The following FAM135B variants were observed in gnomAD, a reference collection of about 807,000 sequenced individuals.
FAM135B encodes protein FAM135B.
Under a neutral mutation model 127.7 loss-of-function variants are expected in FAM135B, and 43 were observed. That is an observed-to-expected ratio of 0.34 (90% CI 0.26 to 0.43). FAM135B has a LOEUF of 0.43. FAM135B is among the 20% of genes least tolerant of loss of function. The probability of loss-of-function intolerance (pLI) is 1.00; values close to 1 mark genes in which losing one functional copy is unlikely to be tolerated. For synonymous variants in FAM135B, 670 were observed against 665.1 expected (o/e 1.01, Z -0.11); for missense variants, 1,558 against 1,725.6 (o/e 0.90, Z 1.72).
chr8:138,242,307 C>G lies in FAM135B; in HGVS notation c.669+635G>C, dbSNP rs1400461881. Among the ~76,000 whole-genome samples the G allele has an allele frequency of 6.6e-6, 1 of 150,838 alleles. No homozygotes were observed. Among genetic ancestry groups the G allele is most frequent in the Non-Finnish European group, 1.5e-5 (1 of 67,842 alleles). On this transcript the variant is annotated intron_variant, in intron 7 of 19. Coordinates refer to ENST00000395297, the MANE Select transcript of FAM135B (RefSeq NM_015912.4). The surrounding 1 kb of genome is among the most constrained non-coding windows in gnomAD (Gnocchi z 9.6). ...GAGTAGGCCACTAATAAAAACATAG[C>G]ATATACTGGCTTGGGAGAAATATGA... is the stretch of plus-strand genomic sequence containing the variant.
chr8:138,375,676 C>T (rs1180498470), intron 1 of FAM135B, among the ~76,000 whole-genome samples: 2 of 152,062 alleles, frequency 1.3e-5, no homozygotes, highest in African/African-American at 4.8e-5. Context: ...TTTTTACTCT[C>T]ATCATCATAT....
intron 1 of FAM135B, chr8:138,440,224 C>T (rs1252116309): frequency 6.6e-6 from 1 of 152,076 alleles, no homozygotes; most frequent in East Asian, 1.9e-4. Flanking sequence ...AAGGTCATCG[C>T]CCCAGCTTTT....
chr8:138,406,586 G>T (rs1322708087), intron 1 of FAM135B, among the ~76,000 whole-genome samples: 1 of 152,108 alleles, frequency 6.6e-6, no homozygotes, highest in African/African-American at 2.4e-5. Context: ...TCATCCCTGG[G>T]ATGCAAGGCT....
chr8:138,300,183 C>T (rs1825779643), intron 3 of FAM135B, among the ~76,000 whole-genome samples: 1 of 151,900 alleles, frequency 6.6e-6, no homozygotes, highest in African/African-American at 2.4e-5. Context: ...GACTGTTACC[C>T]TGAGAACACT....
chr8:138,401,999 C>A (rs1417919160), intron 1 of FAM135B, among the ~76,000 whole-genome samples: 2 of 151,934 alleles, frequency 1.3e-5, no homozygotes, highest in African/African-American at 4.8e-5. Context: ...TATGCCTGTC[C>A]CTGGTGTGTG....
chr8:138,343,707 C>T (rs957302688), intron 2 of FAM135B, among the ~76,000 whole-genome samples: 1 of 152,230 alleles, frequency 6.6e-6, no homozygotes, highest in South Asian at 2.1e-4. Flanking sequence ...CATCACCTCC[C>T]AAACGTGTCT....
chr8:138,160,973 C>T (rs564891417), intron 12 of FAM135B, among the ~76,000 whole-genome samples: 3 of 152,254 alleles, frequency 2.0e-5, no homozygotes, highest in South Asian at 4.2e-4. Context: ...CATTTACCAG[C>T]GATGAGACCT....
intron 1 of FAM135B, among the ~76,000 whole-genome samples, chr8:138,470,603 G>A (rs553115154): frequency 4.6e-5 from 7 of 152,168 alleles, no homozygotes; most frequent in South Asian, 2.1e-4. Context: ...GTTTCCTTGC[G>A]GGAATCTTTC....
intron 7 of FAM135B, among the ~76,000 whole-genome samples, chr8:138,210,667 C>T (rs1354896681): frequency 6.6e-6 from 1 of 152,068 alleles, no homozygotes; most frequent in Non-Finnish European, 1.5e-5. Flanking sequence ...AAATCCATCC[C>T]CATGATCCAA....
At chr8:138,248,325 T>C (rs975555687) in intron 6 of FAM135B, among the ~76,000 whole-genome samples, 7 of 152,208 alleles carry the variant, frequency 4.6e-5, no homozygotes, top group African/African-American at 1.4e-4. Context: ...TTGGTCTATA[T>C]GTGTTTCTGC....
At chr8:138,456,016 T>C (rs1836757317) in intron 1 of FAM135B, among the ~76,000 whole-genome samples, 1 of 152,188 alleles carries the variant, frequency 6.6e-6, no homozygotes, top group African/African-American at 2.4e-5. Context: ...AAATAAATTA[T>C]CTATTCAGAA....
chr8:138,310,741 G>A (rs1364982863), intron 3 of FAM135B, 100 bp downstream of exon 3: 2 of 1,031,334 alleles, frequency 1.9e-6, no homozygotes, highest in Non-Finnish European at 2.9e-6. Flanking sequence ...GATTGACTGA[G>A]TATGTCTACA....
chr8:138,490,792 TGAC>T (rs1436621980), intron 1 of FAM135B, among the ~76,000 whole-genome samples: 2 of 152,146 alleles, frequency 1.3e-5, no homozygotes, highest in Non-Finnish European at 2.9e-5. Context: ...TTAGAGAATA[TGAC>T]GTCACTTCAA....
intron 1 of FAM135B, among the ~76,000 whole-genome samples, chr8:138,368,670 A>G (rs1455512260): frequency 6.6e-6 from 1 of 152,160 alleles, no homozygotes; most frequent in Admixed American, 6.5e-5. Flanking sequence ...TAGATGTTTA[A>G]CCCAACTTGA....
At chr8:138,174,982 C>A (rs539447740) in intron 11 of FAM135B, among the ~76,000 whole-genome samples, 1 of 152,184 alleles carries the variant, frequency 6.6e-6, no homozygotes, top group South Asian at 2.1e-4. Context: ...CTAACTAACA[C>A]AGTCAACACT....
At chr8:138,388,471 C>G (rs1032010186) in intron 1 of FAM135B, among the ~76,000 whole-genome samples, 1 of 152,134 alleles carries the variant, frequency 6.6e-6, no homozygotes, top group Non-Finnish European at 1.5e-5. Context: ...TTCATAACTA[C>G]CAAAACTCGG....
At chr8:138,175,401 T>C (rs1814359697) in intron 11 of FAM135B, among the ~76,000 whole-genome samples, 1 of 152,356 alleles carries the variant, frequency 6.6e-6, no homozygotes, top group East Asian at 1.9e-4. Flanking sequence ...TATTCTTGTA[T>C]GTCATGGCAT....
intron 12 of FAM135B, among the ~76,000 whole-genome samples, chr8:138,157,263 T>C (rs201393494): frequency 8.5e-5 from 13 of 152,240 alleles, no homozygotes; most frequent in Admixed American, 6.5e-4. Flanking sequence ...ATGCTAAAAA[T>C]TCTCAATAAA....
intron 3 of FAM135B, among the ~76,000 whole-genome samples, chr8:138,274,274 A>T (rs1823631944): frequency 6.6e-6 from 1 of 152,210 alleles, no homozygotes; most frequent in Admixed American, 6.5e-5. Flanking sequence ...AGAAATTTTA[A>T]AGCTGGGCAT....
Sources: allele counts gnomAD v4.1 joint callset (sites outside exome capture counted in the v4.1 genomes callset), GRCh38; gene constraint gnomAD v4.1.1; non-coding constraint Gnocchi (gnomAD v3.1); transcripts MANE v1.5; gene names NCBI Gene and HGNC (gene_info 2026-07-23, HGNC 2026-07-21).